TLL1: variants seen among roughly 807,000 people sequenced by gnomAD.
TLL1 encodes the protein tolloid like 1.
In TLL1, 49 loss-of-function variants were observed where a neutral mutation model predicts 128.2. The ratio of observed to expected loss-of-function variants is 0.38; its 90% confidence interval spans 0.30 to 0.48. The LOEUF is 0.48. Ranked by LOEUF, TLL1 falls within the 20% of genes least tolerant of loss-of-function variation. The pLI, the probability that TLL1 is intolerant of heterozygous loss-of-function variation, is 0.96. For missense variants in TLL1, 1,123 were observed against 1,242.0 expected, an observed-to-expected ratio of 0.90 and a Z score of 1.44; for synonymous variants, 454 against 418.8, an observed-to-expected ratio of 1.08 and a Z score of -1.03.
chr4:165,899,712 G>A (rs1322237227), intron 1 of TLL1, among the ~76,000 whole-genome samples: 1 of 152,148 alleles, frequency 6.6e-6, no homozygotes, highest in Non-Finnish European at 1.5e-5. Context: ...ATCTGGGGTG[G>A]AGAGTTCTGT....
chr4:166,088,209 C>T (rs1387630346), intron 18 of TLL1, among the ~76,000 whole-genome samples: 2 of 152,054 alleles, frequency 1.3e-5, no homozygotes, highest in African/African-American at 2.4e-5. Flanking sequence ...TAAGTGTCTT[C>T]TGGGGACATT....
chr4:165,916,080 G>A (rs549217938), intron 1 of TLL1, among the ~76,000 whole-genome samples: 12 of 152,212 alleles, frequency 7.9e-5, no homozygotes, highest in Admixed American at 5.2e-4. Context: ...AATTACTTTC[G>A]TCTGTGGACA....
Position 166,100,868 on chromosome 4 carries a change from A to C in TLL1, c.3034A>C (p.Lys1012Gln), listed in dbSNP as rs749170042. Residue 1012 changes from lysine to glutamine, a missense_variant, in exon 21 of 21, where the codon AAA becomes CAA. By Grantham distance (53) the Lys-to-Gln change is moderately conservative. Transcript: ENST00000061240. ...SIRYPDTTHT[K>Q]K ...AAGATATCCAGATACCACACATACC[A>C]AAAAATAACACCAAAACCTCTGTCA... The C allele has an allele frequency of 6.2e-7, 1 of 1,612,476 alleles. No individual in the cohort carries two copies. The highest frequency in any genetic ancestry group is 8.5e-7 in the Non-Finnish European group (1 of 1,179,102).
At chr4:165,892,717 C>T (rs1190010397) in intron 1 of TLL1, among the ~76,000 whole-genome samples, 1 of 152,162 alleles carries the variant, frequency 6.6e-6, no homozygotes, top group African/African-American at 2.4e-5. Flanking sequence ...AGGAAAGCAA[C>T]CCTGAGAATT....
At chr4:165,886,729 T>C (rs1288449299) in intron 1 of TLL1, among the ~76,000 whole-genome samples, 1 of 152,226 alleles carries the variant, frequency 6.6e-6, no homozygotes, top group East Asian at 1.9e-4. Context: ...ATAGTAATAC[T>C]GTATTTTTAA....
chr4:166,032,347 T>G (rs1738807228), intron 9 of TLL1, among the ~76,000 whole-genome samples: 1 of 152,104 alleles, frequency 6.6e-6, no homozygotes, highest in South Asian at 2.1e-4. Context: ...GACCAAATTT[T>G]TCTAGAGTTT....
intron 1 of TLL1, among the ~76,000 whole-genome samples, chr4:165,904,424 A>G (rs2110859215): frequency 6.6e-6 from 1 of 152,274 alleles, no homozygotes; most frequent in South Asian, 2.1e-4. Flanking sequence ...AGTTCTGTGA[A>G]GGTGAATTTG....
intron 1 of TLL1, among the ~76,000 whole-genome samples, chr4:165,957,468 T>C (rs1035525824): frequency 1.2e-5 from 1 of 80,290 alleles, no homozygotes; most frequent in African/African-American, 4.4e-5. Context: ...AAAGAAATTC[T>C]GGATTTTTTT....
intron 1 of TLL1, among the ~76,000 whole-genome samples, chr4:165,897,084 T>G (rs1273531382): frequency 6.6e-6 from 1 of 152,034 alleles, no homozygotes; most frequent in South Asian, 2.1e-4. Context: ...ACCCACTTCT[T>G]GATTTTTTTT....
intron 1 of TLL1, among the ~76,000 whole-genome samples, chr4:165,886,653 C>T (rs1039154294): frequency 6.6e-6 from 1 of 152,050 alleles, no homozygotes; most frequent in African/African-American, 2.4e-5. Flanking sequence ...CCATTCAATC[C>T]TCTCATATGT....
At chr4:166,067,349 G>T (rs931662030) in intron 16 of TLL1, among the ~76,000 whole-genome samples, 4 of 151,410 alleles carry the variant, frequency 2.6e-5, no homozygotes, top group African/African-American at 9.7e-5. Flanking sequence ...GATATTTTTG[G>T]TCAGAAAAAA....
chr4:165,979,924 A>G (rs1736072751), intron 1 of TLL1, among the ~76,000 whole-genome samples: 1 of 152,138 alleles, frequency 6.6e-6, no homozygotes, highest in Non-Finnish European at 1.5e-5. Flanking sequence ...AGAGAGGGAG[A>G]ACCAGTCTTG....
At chr4:165,894,593 G>T (rs907395880) in intron 1 of TLL1, among the ~76,000 whole-genome samples, 2 of 152,144 alleles carry the variant, frequency 1.3e-5, no homozygotes, top group African/African-American at 2.4e-5. Flanking sequence ...CCCTTAAGTT[G>T]TGGCAAATAA....
chr4:166,022,668 G>C (rs1738298198), intron 8 of TLL1, among the ~76,000 whole-genome samples: 1 of 152,152 alleles, frequency 6.6e-6, no homozygotes, highest in South Asian at 2.1e-4. Context: ...TGTGGAGTCA[G>C]CTATAAAAGT....
intron 1 of TLL1, among the ~76,000 whole-genome samples, chr4:165,934,479 CTG>C (rs1311685027): frequency 2.6e-5 from 4 of 152,200 alleles, no homozygotes; most frequent in Non-Finnish European, 2.9e-5. Context: ...GATGAGGCCT[CTG>C]TGTCAAGTGG....
At chr4:166,050,771 G>T (rs1173750398) in intron 12 of TLL1, among the ~76,000 whole-genome samples, 1 of 152,146 alleles carries the variant, frequency 6.6e-6, no homozygotes, top group Non-Finnish European at 1.5e-5. Flanking sequence ...GGTTTAGAAT[G>T]AGAGGTTGAC....
At chr4:166,010,256 A>T (rs1340499788) in intron 7 of TLL1, among the ~76,000 whole-genome samples, 2 of 151,346 alleles carry the variant, frequency 1.3e-5, no homozygotes, top group Admixed American at 1.3e-4. Flanking sequence ...GCCTCTTGTG[A>T]ATAATGCTAA....
chr4:165,970,415 G>A (rs1396608646), intron 1 of TLL1, among the ~76,000 whole-genome samples: 1 of 152,096 alleles, frequency 6.6e-6, no homozygotes, highest in Non-Finnish European at 1.5e-5. Context: ...ACTACATAAA[G>A]CAGGTGAATT....
At chr4:165,984,605 C>T (rs767142758) in intron 1 of TLL1, among the ~76,000 whole-genome samples, 9 of 151,896 alleles carry the variant, frequency 5.9e-5, no homozygotes, top group Non-Finnish European at 8.8e-5. Flanking sequence ...AAGCAGAAAG[C>T]TTAAACTGTA....
Sources: allele counts gnomAD v4.1 joint callset (sites outside exome capture counted in the v4.1 genomes callset), GRCh38; gene constraint gnomAD v4.1.1; transcripts MANE v1.5; gene names NCBI Gene and HGNC (gene_info 2026-07-23, HGNC 2026-07-21).